CYP4A11: variants seen among roughly 807,000 people sequenced by gnomAD.
CYP4A11 encodes the protein cytochrome P450 family 4 subfamily A member 11.
A neutral mutation model predicts 57.7 loss-of-function variants in CYP4A11; 52 were observed. The ratio of observed to expected loss-of-function variants is 0.90; its 90% CI spans 0.72 to 1.14. The LOEUF is 1.14. Among genes scored for constraint, CYP4A11 ranks in the 50% most tolerant of loss-of-function variants. The probability of loss-of-function intolerance (pLI) is 0.00; values close to 1 mark genes in which losing one functional copy is unlikely to be tolerated. For missense variants in CYP4A11, 641 were observed against 642.1 expected (o/e 1.00, Z 0.02); for synonymous variants, 228 against 247.1 (o/e 0.92, Z 0.72).
At chr1:46,939,740 A>G (rs938889337) in intron 1 of CYP4A11, among the ~76,000 whole-genome samples, 4 of 150,130 alleles carry the variant, frequency 2.7e-5, no homozygotes, top group Non-Finnish European at 5.9e-5. Flanking sequence ...CTTGACAGAT[A>G]GATATGCGTG....
At chr1:46,934,893 G>A (rs866358490) in intron 6 of CYP4A11, 107 bp downstream of exon 6, 1 of 1,523,484 alleles carries the variant, frequency 6.6e-7, no homozygotes, top group Non-Finnish European at 8.8e-7. Flanking sequence ...GGCTGAGTGT[G>A]TTCTGCGTTC....
At position 46,935,519 on chromosome 1, in the gene CYP4A11, T is replaced by C. The variant is rs373527802; in HGVS notation, c.635+4A>G. On this transcript the variant is annotated splice_donor_region_variant and intron_variant, in intron 5 of 11. Transcript: ENST00000310638. ...GGCCCTGCAGCTGGAGGGTTGTCAC[T>C]GACCTGTCCACCTGGATGCTGCCCT... 82 of 1,613,042 alleles carry C rather than the reference T, an allele frequency of 5.1e-5. No individual in the cohort carries two copies. The highest frequency in any genetic ancestry group is 6.0e-5 in the Non-Finnish European group (71 of 1,179,576).
chr1:46,933,336 G>A (rs1280237753), intron 9 of CYP4A11, among the ~76,000 whole-genome samples: 3 of 152,280 alleles, frequency 2.0e-5, no homozygotes, highest in Non-Finnish European at 2.9e-5. Context: ...TCCTCCAAGG[G>A]TCATTGGAGA....
In CYP4A11 at chr1:46,932,806, G is replaced by C. The variant is rs753070622; in HGVS notation, c.1319C>G (p.Ser440Cys). 1 of 1,614,224 alleles carries C rather than the reference G, an allele frequency of 6.2e-7. No homozygotes were observed. Among genetic ancestry groups the C allele is most frequent in the Non-Finnish European group, 8.5e-7 (1 of 1,180,046 alleles). Residue 440 changes from serine to cysteine, a missense_variant, in exon 11 of 12, where the codon TCT (serine) becomes TGT (cysteine). Transcript: ENST00000310638. Reference protein sequence around the residue: ...VFDPFRFAPGSAQHSHAFLPF... With the variant: ...VFDPFRFAPGCAQHSHAFLPF... ...CAGGAAAGCGTGGCTGTGTTGAGCAGAACCCGGTGCAAAACGGAAAGGGTC... is the reference window on the plus strand; with the variant it reads ...CAGGAAAGCGTGGCTGTGTTGAGCACAACCCGGTGCAAAACGGAAAGGGTC...
In CYP4A11 at chr1:46,933,952, G is replaced by A. The variant is rs766102280; in HGVS notation, c.1216C>T (p.Pro406Ser). 5 of 1,614,132 alleles carry A rather than the reference G, an allele frequency of 3.1e-6. No homozygotes were observed. Among genetic ancestry groups the A allele is most frequent in the Non-Finnish European group, 2.5e-6 (3 of 1,180,032 alleles). ...PVTFPDGRSL[P>S]KGIMVLLSIY... is the part of the protein sequence containing the mutation. ...GGGTGGGGGAACTTCATACCTTTGG[G>A]CAAGGAGCGCCCATCAGGGAAGGTG... is the stretch of plus-strand genomic sequence containing the variant. The change falls in exon 9 of 12, where the codon CCC becomes TCC. Residue 406 changes from proline to serine, a missense_variant. Physicochemically the swap from Pro to Ser is moderately conservative, Grantham distance 74. Coordinates refer to ENST00000310638, the MANE Select transcript of CYP4A11 (RefSeq NM_000778.4).
chr1:46,932,088 T>C (rs1460116263), intron 11 of CYP4A11: 1 of 980,454 alleles, frequency 1.0e-6, no homozygotes, highest in Non-Finnish European at 1.2e-6. Flanking sequence ...TCTCAAGGCA[T>C]GTACAGAATT....
At chr1:46,933,901 C>A in intron 9 of CYP4A11, 45 bp downstream of exon 9, 1 of 1,608,402 alleles carries the variant, frequency 6.2e-7, no homozygotes, top group Non-Finnish European at 8.5e-7. Context: ...ACCCTCCACA[C>A]GTCCCTGTGG....
chr1:46,933,869 C>G (rs1267343854), intron 9 of CYP4A11, 77 bp downstream of exon 9: 3 of 1,578,880 alleles, frequency 1.9e-6, no homozygotes, highest in African/African-American at 2.7e-5. Flanking sequence ...GTGCAGAATT[C>G]TGATGCACAC....
Position 46,938,042 on chromosome 1 carries a change from GA to G in CYP4A11, c.290del (p.Val97AlafsTer9). ...TCATATAGTCAGGGTCATAGAGCTG[GA>G]CACGAACTTTGCCTCCCCATAGCCA... ...PHWLWGGKVR[V>X]QLYDPDYMKV... On this transcript the variant is annotated frameshift_variant, in exon 2 of 12. Transcript: ENST00000310638. LOFTEE classifies it high-confidence loss of function. 2 of 1,614,172 alleles carry G rather than the reference GA, an allele frequency of 1.2e-6. No individual in the cohort carries two copies.
At chr1:46,930,401 G>T in intron 11 of CYP4A11, 91 bp from the exon 12 acceptor site, 2 of 1,435,120 alleles carry the variant, frequency 1.4e-6, no homozygotes, top group South Asian at 2.7e-5. Context: ...GCCCTGAGCT[G>T]GACATTCAGT....
Position 46,933,000 on chromosome 1 carries a change from C to T in CYP4A11, c.1270G>A (p.Val424Met), listed in dbSNP as rs774827023. ...SIYGLHHNPK[V>M]WPNPEVFDPF... Reference sequence around the variant, plus strand: ...CCACATACCTCTGGGTTGGGCCACACTTTTGGGTTGTGGTGAAGGCCATAA... The same window carrying T: ...CCACATACCTCTGGGTTGGGCCACATTTTTGGGTTGTGGTGAAGGCCATAA... Residue 424 changes from valine to methionine, a missense_variant, in exon 10 of 12, where the codon GTG becomes ATG. Physicochemically the swap from Val to Met is conservative, Grantham distance 21. Transcript: ENST00000310638. The T allele has an allele frequency of 6.2e-7, 1 of 1,614,172 alleles. No homozygotes were observed. Among genetic ancestry groups the T allele is most frequent in the African/African-American group, 1.3e-5 (1 of 75,040 alleles).
intron 1 of CYP4A11, 92 bp downstream of exon 1, chr1:46,941,147 A>C (rs1681725648): frequency 1.3e-6 from 2 of 1,513,180 alleles, no homozygotes; most frequent in African/African-American, 1.4e-5. Context: ...CATTTGTTAC[A>C]AAACAAGGCT....
rs1126742 is a variant in CYP4A11, at chr1:46,932,824, A to G, written c.1301T>C (p.Phe434Ser). The change falls in exon 11 of 12, where the codon TTC becomes TCC. Residue 434 changes from phenylalanine to serine, a missense_variant. Phe to Ser is a radical substitution (Grantham distance 155). Transcript: ENST00000310638. ...VWPNPEVFDP[F>S]RFAPGSAQHS... ...TTGAGCAGAACCCGGTGCAAAACGG[A>G]AAGGGTCAAACACCTGCAGAGAGAG... The G allele has an allele frequency of 0.16, 250,886 of 1,606,278 alleles. 22,684 individuals are homozygous for G. The highest frequency in any genetic ancestry group is 0.32 in the African/African-American group (23,635 of 74,668).
chr1:46,933,482 TG>T (rs1681164409), intron 9 of CYP4A11, among the ~76,000 whole-genome samples: 3 of 152,226 alleles, frequency 2.0e-5, no homozygotes, highest in African/African-American at 7.2e-5. Flanking sequence ...ATGGCAGGAC[TG>T]GGACCAGAAC....
chr1:46,933,154 A>C, intron 9 of CYP4A11, 107 bp from the exon 10 acceptor site: 1 of 1,507,048 alleles, frequency 6.6e-7, no homozygotes, highest in African/African-American at 1.4e-5. Context: ...ACTTTCCACA[A>C]ATTTTCACTT....
rs752857276 is a variant in CYP4A11 at position 46,938,183 on chromosome 1, C to G, written c.196-46G>C. The G allele has an allele frequency of 2.5e-6, 4 of 1,611,538 alleles. No homozygotes were observed. The South Asian group carries it at 4.4e-5, about 18-fold the overall frequency. ...ATGAACACTTTCATTTACTTCTAGT[C>G]TTTGCAGCAGGAGTGAAGGGCAGGA... is the stretch of plus-strand genomic sequence containing the variant. On this transcript the variant is annotated intron_variant, in intron 1 of 11. Coordinates refer to ENST00000310638, the MANE Select transcript of CYP4A11 (RefSeq NM_000778.4).
At chr1:46,935,442 A>C (rs1570084192) in intron 5 of CYP4A11, 81 bp downstream of exon 5, 2 of 1,520,156 alleles carry the variant, frequency 1.3e-6, no homozygotes, top group East Asian at 2.3e-5. Context: ...GTGAGCCTTC[A>C]CGCTGCCCCA....
chr1:46,933,238 C>G (rs771188744), intron 9 of CYP4A11, among the ~76,000 whole-genome samples, 191 bp from the exon 10 acceptor site: 2 of 152,174 alleles, frequency 1.3e-5, no homozygotes, highest in Non-Finnish European at 2.9e-5. Context: ...GATGAATAGA[C>G]AACCATTTAT....
At chr1:46,938,192 A>G in intron 1 of CYP4A11, 55 bp from the exon 2 acceptor site, 1 of 1,607,822 alleles carries the variant, frequency 6.2e-7, no homozygotes, top group Non-Finnish European at 8.5e-7. Flanking sequence ...TCTTTGCAGC[A>G]GGAGTGAAGG....
Sources: allele counts gnomAD v4.1 joint callset (sites outside exome capture counted in the v4.1 genomes callset), GRCh38; gene constraint gnomAD v4.1.1; transcripts MANE v1.5; gene names NCBI Gene and HGNC (gene_info 2026-07-23, HGNC 2026-07-21).